UBE2D3: variants seen among roughly 807,000 people sequenced by gnomAD.
The protein encoded by UBE2D3 is ubiquitin-conjugating enzyme E2 D3.
UBE2D3 carries 2 observed loss-of-function variants against 22.8 expected under a neutral mutation model. The observed-to-expected ratio is 0.09, with a 90% CI of 0.04 to 0.28. UBE2D3 has a LOEUF of 0.28. Among genes scored for constraint, UBE2D3 ranks in the 10% least tolerant of loss-of-function variants. UBE2D3 has a pLI of 1.00. For missense variants in UBE2D3, 27 were observed against 182.5 expected, an observed-to-expected ratio of 0.15 and a Z score of 4.91; for synonymous variants, 56 against 60.4, an observed-to-expected ratio of 0.93 and a Z score of 0.34.
chr4:102,814,471 T>G (rs1306609877), intron 2 of UBE2D3, among the ~76,000 whole-genome samples: 1 of 150,374 alleles, frequency 6.7e-6, no homozygotes, highest in Non-Finnish European at 1.5e-5. Flanking sequence ...TTTTTTTTTT[T>G]TTTTTTGTAG....
intron 2 of UBE2D3, 156 bp from the exon 3 acceptor site, chr4:102,810,011 C>G: frequency 1.5e-6 from 1 of 681,596 alleles, no homozygotes; most frequent in Non-Finnish European, 2.5e-6. Context: ...GAGAACATGC[C>G]TGAACATATG....
chr4:102,798,249 A>C (rs1338198171), intron 7 of UBE2D3, among the ~76,000 whole-genome samples: 2 of 128,232 alleles, frequency 1.6e-5, no homozygotes, highest in Non-Finnish European at 3.3e-5. Context: ...TACTTACAAC[A>C]ACAAAAAACA....
intron 7 of UBE2D3, among the ~76,000 whole-genome samples, chr4:102,798,376 T>C (rs1314930806): frequency 1.3e-5 from 2 of 149,582 alleles, no homozygotes; most frequent in Admixed American, 6.7e-5. Flanking sequence ...CCAACAACTT[T>C]CCTAAACTTT....
In UBE2D3 at chr4:102,825,654, A is replaced by T. The variant is rs749235701; in HGVS notation, c.24+831T>A. 74 of 988,204 alleles carry T rather than the reference A, an allele frequency of 7.5e-5. 1 individual carries two copies. Among genetic ancestry groups the T allele is most frequent in the Non-Finnish European group, 5.7e-5 (41 of 715,216 alleles). The allele number at this position is 988,204 out of a possible 1,614,324, so 61.2% of individuals were successfully genotyped here. A position where few individuals can be genotyped will look rare whatever the true frequency, so the allele number is the denominator to read the frequency against. ...TTTTTTCAACTTAAATCGATAATATACTATCAAACCACATTTCAAGTAACG... is the reference window on the plus strand; with the variant it reads ...TTTTTTCAACTTAAATCGATAATATTCTATCAAACCACATTTCAAGTAACG... On this transcript the variant is annotated intron_variant, in intron 2 of 7. Transcript: ENST00000453744.
At chr4:102,823,004 T>C (rs1045972622) in intron 2 of UBE2D3, among the ~76,000 whole-genome samples, 3 of 152,186 alleles carry the variant, frequency 2.0e-5, no homozygotes, top group African/African-American at 7.2e-5. Flanking sequence ...CTATCTGATT[T>C]GAATCCCAGT....
chr4:102,809,370 A>G (rs978578094), intron 4 of UBE2D3: 1 of 326,410 alleles, frequency 3.1e-6, no homozygotes, highest in East Asian at 6.7e-5. Flanking sequence ...TATAAATAAC[A>G]GGAAGTTCCA....
At chr4:102,798,996 T>G in intron 7 of UBE2D3, 4 of 1,596,598 alleles carry the variant, frequency 2.5e-6, no homozygotes, top group Non-Finnish European at 3.4e-6. Flanking sequence ...ACAAGTACAC[T>G]TAGCATTAAT....
intron 2 of UBE2D3, among the ~76,000 whole-genome samples, chr4:102,819,789 C>G (rs1459707596): frequency 6.6e-6 from 1 of 152,162 alleles, no homozygotes; most frequent in Admixed American, 6.5e-5. Flanking sequence ...GAGGACAGAA[C>G]GCAGTAGTAT....
At chr4:102,861,233 T>G (rs1356826748) in intron 1 of UBE2D3, among the ~76,000 whole-genome samples, 2 of 151,894 alleles carry the variant, frequency 1.3e-5, no homozygotes, top group Non-Finnish European at 2.9e-5. Flanking sequence ...ACTGTTTTTC[T>G]TACCCTCTTC....
intron 1 of UBE2D3, among the ~76,000 whole-genome samples, chr4:102,846,965 GA>G (rs1732068845): frequency 6.6e-6 from 1 of 152,006 alleles, no homozygotes; most frequent in Admixed American, 6.6e-5. Flanking sequence ...ATTCTGAGGA[GA>G]GCATGTATCA....
intron 2 of UBE2D3, among the ~76,000 whole-genome samples, chr4:102,819,054 G>C (rs1035190437): frequency 6.6e-6 from 1 of 152,118 alleles, no homozygotes; most frequent in Non-Finnish European, 1.5e-5. Context: ...TCCCTTGCTG[G>C]GCGTGGTGGC....
intron 1 of UBE2D3, among the ~76,000 whole-genome samples, chr4:102,848,720 G>A (rs1160791344): frequency 6.6e-6 from 1 of 152,094 alleles, no homozygotes; most frequent in Non-Finnish European, 1.5e-5. Flanking sequence ...TTAGGAGGCT[G>A]AGGCAGGAGG....
intron 5 of UBE2D3, 149 bp downstream of exon 5, chr4:102,802,412 T>C (rs1326289299): frequency 9.3e-6 from 5 of 535,288 alleles, no homozygotes; most frequent in African/African-American, 5.9e-5. Context: ...TCTAGCTCTT[T>C]AAACCAAAGG....
chr4:102,838,726 A>C (rs1399896797), intron 1 of UBE2D3, among the ~76,000 whole-genome samples: 1 of 144,020 alleles, frequency 6.9e-6, no homozygotes, highest in Non-Finnish European at 1.5e-5. Flanking sequence ...CTAATACAGT[A>C]GTTCTGTGGT....
At chr4:102,811,968 C>T (rs1173755198) in intron 2 of UBE2D3, 2 of 194,828 alleles carry the variant, frequency 1.0e-5, no homozygotes, top group Non-Finnish European at 1.1e-5. Flanking sequence ...ACAACTTATT[C>T]CCTATAACTA....
At chr4:102,824,675 G>GA (rs997358785) in intron 2 of UBE2D3, among the ~76,000 whole-genome samples, 2 of 152,014 alleles carry the variant, frequency 1.3e-5, no homozygotes, top group South Asian at 2.1e-4. Flanking sequence ...ACCTGTAAGA[G>GA]AAAAAAAATC....
chr4:102,799,023 T>A, intron 7 of UBE2D3: 1 of 1,546,866 alleles, frequency 6.5e-7, no homozygotes, highest in Non-Finnish European at 8.9e-7. Flanking sequence ...ATATGAAAGT[T>A]ATAATGGTTA....
chr4:102,801,812 T>C (rs1296076979), intron 5 of UBE2D3: 3 of 278,258 alleles, frequency 1.1e-5, no homozygotes, highest in Non-Finnish European at 2.0e-5. Flanking sequence ...GGCCCTACCA[T>C]ATCATGAATC....
At chr4:102,834,206 G>A (rs1420956830) in intron 1 of UBE2D3, among the ~76,000 whole-genome samples, 1 of 152,134 alleles carries the variant, frequency 6.6e-6, no homozygotes, top group African/African-American at 2.4e-5. Flanking sequence ...CTACAGAGAA[G>A]AGCAGTTTCA....
Sources: allele counts gnomAD v4.1 joint callset (sites outside exome capture counted in the v4.1 genomes callset), GRCh38; gene constraint gnomAD v4.1.1; transcripts MANE v1.5; gene names NCBI Gene and HGNC (gene_info 2026-07-23, HGNC 2026-07-21).